Variants in KCTD16 observed in about 807,000 individuals in gnomAD.
KCTD16 encodes potassium channel tetramerization domain containing 16.
In KCTD16, 13 loss-of-function variants were observed where a neutral mutation model predicts 33.2. The observed-to-expected ratio is 0.39, with a 90% CI of 0.25 to 0.62. The LOEUF (loss-of-function observed/expected upper bound fraction) is 0.62, where lower values mean the gene tolerates loss of function less well. Ranked by LOEUF, KCTD16 falls within the 20% of genes least tolerant of loss-of-function variation. The pLI is 0.50. For synonymous variants in KCTD16, 197 were observed against 195.3 expected, an observed-to-expected ratio of 1.01 and a Z score of -0.07; for missense variants, 441 against 525.1, an observed-to-expected ratio of 0.84 and a Z score of 1.57.
At chr5:144,235,565 G>T (rs949812984) in intron 3 of KCTD16, among the ~76,000 whole-genome samples, 2 of 152,122 alleles carry the variant, frequency 1.3e-5, no homozygotes, top group African/African-American at 4.8e-5. Flanking sequence ...ACCTTATGGA[G>T]TTGCTGAGAA....
chr5:144,200,306 G>A (rs1236855613), intron 2 of KCTD16, among the ~76,000 whole-genome samples: 1 of 152,138 alleles, frequency 6.6e-6, no homozygotes, highest in Non-Finnish European at 1.5e-5. Flanking sequence ...AGTATTTTCA[G>A]GGAGAAACTG....
chr5:144,192,185 C>T (rs1348640878), intron 2 of KCTD16, among the ~76,000 whole-genome samples: 2 of 152,148 alleles, frequency 1.3e-5, no homozygotes, highest in Admixed American at 1.3e-4. Flanking sequence ...GGGTGACTTT[C>T]AGTTTCTCTT....
intron 2 of KCTD16, among the ~76,000 whole-genome samples, chr5:144,179,053 C>A (rs1240610301): frequency 6.6e-6 from 1 of 152,150 alleles, no homozygotes; most frequent in African/African-American, 2.4e-5. Flanking sequence ...TGGCAGGAAC[C>A]TTGAGAGAAT....
chr5:144,223,856 G>C (rs1052612219), intron 3 of KCTD16, among the ~76,000 whole-genome samples: 1 of 151,952 alleles, frequency 6.6e-6, no homozygotes, highest in African/African-American at 2.4e-5. Context: ...GTGAGAATTA[G>C]GTAAGGTGTT....
chr5:144,277,267 T>A (rs562540908), intron 3 of KCTD16, among the ~76,000 whole-genome samples: 47 of 152,302 alleles, frequency 3.1e-4, no homozygotes, highest in Non-Finnish European at 6.2e-4. Context: ...TCAGGAAATG[T>A]AAATAGCTCA....
chr5:144,464,198 C>G (rs1754265588), intron 3 of KCTD16, among the ~76,000 whole-genome samples: 1 of 152,242 alleles, frequency 6.6e-6, no homozygotes, highest in South Asian at 2.1e-4. Context: ...CACCATTTTT[C>G]TGGAGCATTA....
chr5:144,438,840 TA>T (rs1229014504), intron 3 of KCTD16, among the ~76,000 whole-genome samples: 5 of 152,182 alleles, frequency 3.3e-5, no homozygotes, highest in Non-Finnish European at 5.9e-5. Context: ...AGAAAGGATG[TA>T]CTTATCCTGT....
intron 2 of KCTD16, among the ~76,000 whole-genome samples, chr5:144,187,346 C>T (rs746229072): frequency 3.3e-5 from 5 of 151,926 alleles, no homozygotes; most frequent in Non-Finnish European, 7.4e-5. Context: ...CCTAGCACTG[C>T]CTTTCTATTT....
rs1474971979 is a variant in KCTD16 at position 144,484,705 on chromosome 5, T to C, written c.*10591T>C. On this transcript the variant is annotated 3_prime_UTR_variant, in exon 4 of 4. Coordinates refer to ENST00000512467, the MANE Select transcript of KCTD16 (RefSeq NM_020768.4). ...GGTACTAATGCTGAGTGGTGACTTATTGGGGCCTTGCTCATGTTACTTTTT... is the reference window on the plus strand; with the variant it reads ...GGTACTAATGCTGAGTGGTGACTTACTGGGGCCTTGCTCATGTTACTTTTT... 6.6e-6 allele frequency: 1 copy of C among 152,000 alleles called. No homozygotes were observed. Among genetic ancestry groups the C allele is most frequent in the African/African-American group, 2.4e-5 (1 of 41,432 alleles). The allele number at this position is 152,000 out of a possible 1,614,324, so 9.4% of individuals were successfully genotyped here. A position where few individuals can be genotyped will look rare whatever the true frequency, so the allele number is the denominator to read the frequency against.
Position 144,473,792 on chromosome 5 carries a change from G to C in KCTD16, c.965G>C (p.Ser322Thr). ...AGCTGCGACAGCCAGTCTGAGGCCAGCTCTCCCCAGGAGACGGTCATCTGT... is the reference window on the plus strand; with the variant it reads ...AGCTGCGACAGCCAGTCTGAGGCCACCTCTCCCCAGGAGACGGTCATCTGT... ...TSSCDSQSEASSPQETVICGP... is the reference protein window; with the variant it reads ...TSSCDSQSEATSPQETVICGP... Residue 322 changes from serine (S) to threonine (T), a missense_variant, in exon 4 of 4, where the codon AGC becomes ACC. Around this residue, in one of 3 missense-constraint regions of KCTD16, gnomAD observed 355 missense variants for 413.0 expected, o/e 0.86. Coordinates refer to ENST00000512467, the MANE Select transcript of KCTD16 (RefSeq NM_020768.4). 1 of 1,614,088 alleles carries C rather than the reference G, an allele frequency of 6.2e-7. No individual in the cohort carries two copies. The highest frequency in any genetic ancestry group is 8.5e-7 in the Non-Finnish European group (1 of 1,179,998).
chr5:144,309,208 A>G (rs1751691420), intron 3 of KCTD16, among the ~76,000 whole-genome samples: 2 of 152,166 alleles, frequency 1.3e-5, no homozygotes, highest in Admixed American at 6.6e-5. Context: ...TGTTTAATGG[A>G]CAGCTCTGTG....
At chr5:144,303,416 T>A (rs1580857777) in intron 3 of KCTD16, among the ~76,000 whole-genome samples, 1 of 152,212 alleles carries the variant, frequency 6.6e-6, no homozygotes, top group African/African-American at 2.4e-5. Flanking sequence ...ACAGCACTTT[T>A]AAGATTCTTT....
In KCTD16 at chr5:144,310,487, A is replaced by G. The variant is rs115874497; in HGVS notation, c.832+102941A>G. Among the ~76,000 whole-genome samples the G allele has an allele frequency of 3.7e-3, 568 of 152,230 alleles. 5 individuals are homozygous for G. The highest frequency in any genetic ancestry group is 0.013 in the African/African-American group (552 of 41,572). ...TTGAAAACTCTCCACACTGTTTTCT[A>G]TAGTGGCTATGCTAATTTACATCCC... On this transcript the variant is annotated intron_variant, in intron 3 of 3. Coordinates refer to ENST00000512467, the MANE Select transcript of KCTD16 (RefSeq NM_020768.4).
intron 3 of KCTD16, among the ~76,000 whole-genome samples, chr5:144,464,903 T>C (rs1754285892): frequency 6.6e-6 from 1 of 152,204 alleles, no homozygotes. Context: ...GTCTGAGATT[T>C]ATTCTTCTCC....
At chr5:144,323,755 A>G (rs73792393) in intron 3 of KCTD16, among the ~76,000 whole-genome samples, 3,354 of 152,202 alleles carry the variant, frequency 0.022, 135 homozygotes, top group African/African-American at 0.076. Flanking sequence ...ATATAGAAAG[A>G]TTTTCTTCCA....
intron 3 of KCTD16, among the ~76,000 whole-genome samples, chr5:144,429,899 G>T (rs1278342055): frequency 2.0e-5 from 3 of 151,272 alleles, no homozygotes; most frequent in Non-Finnish European, 4.4e-5. Context: ...AAAGCAAAAG[G>T]TGAAAAAAAA....
Position 144,475,657 on chromosome 5 carries a change from GT to G in KCTD16, c.*1547del, listed in dbSNP as rs1754578706. 1 of 152,542 alleles carries G rather than the reference GT, an allele frequency of 6.6e-6. No homozygotes were observed. The highest frequency in any genetic ancestry group is 1.5e-5 in the Non-Finnish European group (1 of 68,000). 9.4% of individuals were successfully genotyped at this position (152,542 alleles called of 1,614,324 possible). A position where few individuals can be genotyped will look rare whatever the true frequency, so the allele number is the denominator to read the frequency against. ...GTTGTGTGCCAAGCACTCCTAATTT[GT>G]TTTATTGCGTGTGTGTGCATGTGTG... On this transcript the variant is annotated 3_prime_UTR_variant, in exon 4 of 4. Coordinates refer to ENST00000512467, the MANE Select transcript of KCTD16 (RefSeq NM_020768.4).
chr5:144,466,492 G>A (rs1754335635), intron 3 of KCTD16, among the ~76,000 whole-genome samples: 1 of 151,944 alleles, frequency 6.6e-6, no homozygotes, highest in African/African-American at 2.4e-5. Context: ...TTTTTAAGTT[G>A]TTCAAATAGC....
At position 144,365,723 on chromosome 5, in the gene KCTD16, A is replaced by G. The variant is rs563222389; in HGVS notation, c.833-107937A>G. Among the ~76,000 whole-genome samples, 46 of 152,328 alleles carry G rather than the reference A, an allele frequency of 3.0e-4. No individual in the cohort carries two copies. In the South Asian group the frequency reaches 3.3e-3, roughly 11 times the overall value. On this transcript the variant is annotated intron_variant, in intron 3 of 3. Coordinates refer to ENST00000512467, the MANE Select transcript of KCTD16 (RefSeq NM_020768.4). ...ATTCAAATGAACGTGCCAAGTTGCA[A>G]TCAATGGACAACTCAGTAAAGGATT...
Sources: allele counts gnomAD v4.1 joint callset (sites outside exome capture counted in the v4.1 genomes callset), GRCh38; gene constraint gnomAD v4.1.1; regional missense constraint gnomAD v4.1.1; transcripts MANE v1.5; gene names NCBI Gene and HGNC (gene_info 2026-07-23, HGNC 2026-07-21).